Variants in PDE4B observed in about 807,000 individuals in gnomAD.
PDE4B encodes phosphodiesterase 4B.
In PDE4B, 20 loss-of-function variants were observed where a neutral mutation model predicts 82.2. The ratio of observed to expected loss-of-function variants is 0.24; its 90% CI spans 0.17 to 0.35. The LOEUF is 0.35. PDE4B is among the 10% of genes least tolerant of loss of function. The pLI, the probability that PDE4B is intolerant of heterozygous loss-of-function variation, is 1.00. For missense variants in PDE4B, 655 were observed against 907.2 expected (o/e 0.72, Z 3.57); for synonymous variants, 320 against 318.9 (o/e 1.00, Z -0.04).
At chr1:65,827,421 T>C (rs1464729772) in intron 1 of PDE4B, among the ~76,000 whole-genome samples, 1 of 152,132 alleles carries the variant, frequency 6.6e-6, no homozygotes, top group African/African-American at 2.4e-5. Context: ...GGCAGATAGA[T>C]AATTTTAGCT....
intron 1 of PDE4B, among the ~76,000 whole-genome samples, chr1:65,861,177 TG>T (rs1246893358): frequency 6.6e-6 from 1 of 152,234 alleles, no homozygotes; most frequent in African/African-American, 2.4e-5. Context: ...TTTTATGGTT[TG>T]GGGTTTTACA....
At chr1:65,798,035 T>G (rs1645650606) in intron 1 of PDE4B, among the ~76,000 whole-genome samples, 1 of 152,068 alleles carries the variant, frequency 6.6e-6, no homozygotes, top group Non-Finnish European at 1.5e-5. Flanking sequence ...TATTTATTTT[T>G]TGAGATGGAG....
chr1:66,174,686 G>A (rs150324361), intron 3 of PDE4B, among the ~76,000 whole-genome samples: 1,632 of 152,126 alleles, frequency 0.011, 28 homozygotes, highest in African/African-American at 0.037. Context: ...AACCTGGGAG[G>A]TGGAGGTTGC....
intron 3 of PDE4B, among the ~76,000 whole-genome samples, chr1:66,023,905 T>C (rs757762602): frequency 5.3e-5 from 8 of 152,144 alleles, no homozygotes; most frequent in Non-Finnish European, 1.2e-4. Context: ...CATTACTATA[T>C]GTGTCTCAAG....
At chr1:66,173,203 G>A (rs1646871222) in intron 3 of PDE4B, among the ~76,000 whole-genome samples, 1 of 152,142 alleles carries the variant, frequency 6.6e-6, no homozygotes, top group Non-Finnish European at 1.5e-5. Context: ...GACTCATCCT[G>A]GAGAATAACT....
chr1:66,024,764 T>C (rs1434155146), intron 3 of PDE4B, among the ~76,000 whole-genome samples: 1 of 152,082 alleles, frequency 6.6e-6, no homozygotes, highest in Non-Finnish European at 1.5e-5. Context: ...TCTTGATATA[T>C]AGGTAAAGTT....
chr1:66,133,930 G>T (rs1057380590), intron 3 of PDE4B, among the ~76,000 whole-genome samples: 2 of 152,032 alleles, frequency 1.3e-5, no homozygotes, highest in African/African-American at 4.8e-5. Context: ...TCTCCCCTGG[G>T]AGACAAGTGA....
chr1:65,961,546 T>C (rs921412536), intron 3 of PDE4B, among the ~76,000 whole-genome samples: 1 of 152,188 alleles, frequency 6.6e-6, no homozygotes, highest in Admixed American at 6.6e-5. Context: ...GCTATATTTG[T>C]CCTTACAACC....
At chr1:66,008,587 C>T (rs1652288827) in intron 3 of PDE4B, among the ~76,000 whole-genome samples, 1 of 152,116 alleles carries the variant, frequency 6.6e-6, no homozygotes, top group African/African-American at 2.4e-5. Context: ...ACCCGAGGCA[C>T]TCCTCTATCT....
chr1:65,853,585 A>C (rs1260205053), intron 1 of PDE4B, among the ~76,000 whole-genome samples: 1 of 151,210 alleles, frequency 6.6e-6, no homozygotes, highest in African/African-American at 2.4e-5. Context: ...GCTAGAGTCC[A>C]GTGGCACAAT....
intron 3 of PDE4B, among the ~76,000 whole-genome samples, chr1:65,954,722 C>G (rs1649171603): frequency 6.6e-6 from 1 of 152,064 alleles, no homozygotes; most frequent in Non-Finnish European, 1.5e-5. Context: ...GATCAGTTCT[C>G]TCACTACATT....
intron 2 of PDE4B, among the ~76,000 whole-genome samples, chr1:65,914,112 G>T (rs568482286): frequency 2.6e-5 from 4 of 151,966 alleles, no homozygotes; most frequent in Non-Finnish European, 5.9e-5. Flanking sequence ...ATTATGTGCC[G>T]CTGATCAGAT....
intron 3 of PDE4B, among the ~76,000 whole-genome samples, chr1:66,174,771 C>T (rs1646901717): frequency 6.6e-6 from 1 of 151,600 alleles, no homozygotes; most frequent in African/African-American, 2.4e-5. Flanking sequence ...ACAACAACAA[C>T]AACAACAACA....
At chr1:65,822,755 A>G (rs1292191170) in intron 1 of PDE4B, among the ~76,000 whole-genome samples, 2 of 152,170 alleles carry the variant, frequency 1.3e-5, no homozygotes, top group Non-Finnish European at 2.9e-5. Context: ...AGCAACAGGT[A>G]CTATCTTGGA....
intron 3 of PDE4B, among the ~76,000 whole-genome samples, chr1:66,121,328 A>T (rs1371645945): frequency 6.6e-6 from 1 of 152,216 alleles, no homozygotes; most frequent in African/African-American, 2.4e-5. Context: ...TTGCTCCAAC[A>T]TGAGGAAATA....
chr1:66,121,074 T>G (rs988131222), intron 3 of PDE4B, among the ~76,000 whole-genome samples: 2 of 152,172 alleles, frequency 1.3e-5, no homozygotes, highest in African/African-American at 4.8e-5. Context: ...TTTGGTACCA[T>G]GAGGTCCTTA....
intron 1 of PDE4B, among the ~76,000 whole-genome samples, chr1:65,833,983 A>G (rs1345572948): frequency 6.6e-6 from 1 of 152,328 alleles, no homozygotes; most frequent in Non-Finnish European, 1.5e-5. Context: ...GATATATTAT[A>G]TAATGATGTG....
At chr1:66,238,996 C>A (rs1413775016) in intron 3 of PDE4B, among the ~76,000 whole-genome samples, 2 of 152,092 alleles carry the variant, frequency 1.3e-5, no homozygotes, top group Admixed American at 6.5e-5. Flanking sequence ...CAAAAGAAAG[C>A]AGCAATTTCT....
intron 7 of PDE4B, among the ~76,000 whole-genome samples, chr1:66,310,413 G>A (rs1658585067): frequency 6.6e-6 from 1 of 152,104 alleles, no homozygotes; most frequent in Admixed American, 6.6e-5. Flanking sequence ...GCAAATGGAG[G>A]ATTGTTATCT....
Sources: gnomAD v4.1 joint callset for allele counts (sites outside exome capture counted in the v4.1 genomes callset) on GRCh38, gnomAD v4.1.1 for gene constraint, MANE v1.5 for transcripts, NCBI Gene and HGNC (gene_info 2026-07-23, HGNC 2026-07-21) for gene names.